Variants in RBAK observed in about 807,000 individuals in gnomAD.
RBAK encodes RB associated KRAB zinc finger, also known as RB-associated KRAB zinc finger protein.
RBAK carries 39 observed loss-of-function variants against 65.8 expected under a neutral mutation model. The observed-to-expected ratio is 0.59, with a 90% confidence interval of 0.46 to 0.77. The LOEUF is 0.77. Among genes scored for constraint, RBAK ranks in the 30% least tolerant of loss-of-function variants. The pLI, the probability that RBAK is intolerant of heterozygous loss-of-function variation, is 0.00. For missense variants in RBAK, 884 were observed against 855.1 expected (o/e 1.03, Z -0.42); for synonymous variants, 343 against 289.7 (o/e 1.18, Z -1.87).
chr7:5,064,724 A>G lies in RBAK; in HGVS notation c.1268A>G (p.His423Arg). 2.5e-6 allele frequency: 4 copies of G among 1,613,532 alleles called. No homozygotes were observed. Among genetic ancestry groups the G allele is most frequent in the East Asian group, 2.2e-5 (1 of 44,822 alleles). ...KSTLITHQRTHTGEKPYQCSE... is the reference protein window; with the variant it reads ...KSTLITHQRTRTGEKPYQCSE... Reference sequence around the variant, plus strand: ...ACTCTGATTACACATCAGAGAACACACACGGGAGAGAAGCCCTATCAGTGT... The same window carrying G: ...ACTCTGATTACACATCAGAGAACACGCACGGGAGAGAAGCCCTATCAGTGT... Residue 423 changes from histidine (H) to arginine (R), a missense_variant, in exon 5 of 5, where the codon CAC (histidine) becomes CGC (arginine). Physicochemically the swap from His to Arg is conservative, Grantham distance 29. Transcript: ENST00000396912. The surrounding 1 kb of genome is among the most constrained non-coding windows in gnomAD (Gnocchi z 6.3).
At chr7:5,055,082 A>G (rs1490367680) in intron 2 of RBAK, among the ~76,000 whole-genome samples, 1 of 152,054 alleles carries the variant, frequency 6.6e-6, no homozygotes. Context: ...GTGCCCGAGC[A>G]CTTTTACTTT....
intron 2 of RBAK, among the ~76,000 whole-genome samples, chr7:5,049,055 G>T (rs549379438): frequency 2.8e-4 from 42 of 152,310 alleles, no homozygotes; most frequent in African/African-American, 9.4e-4. Flanking sequence ...CACCATCCAT[G>T]ACATCATTTG....
chr7:5,059,852 A>C (rs1365897166), intron 4 of RBAK, among the ~76,000 whole-genome samples: 1 of 152,216 alleles, frequency 6.6e-6, no homozygotes, highest in Non-Finnish European at 1.5e-5. Flanking sequence ...CTCTGATAGG[A>C]TTATATATTC....
At chr7:5,052,460 A>G (rs1216454733) in intron 2 of RBAK, among the ~76,000 whole-genome samples, 5 of 151,920 alleles carry the variant, frequency 3.3e-5, no homozygotes, top group African/African-American at 1.2e-4. Flanking sequence ...CTTCCTCTTG[A>G]TTAATTGATA....
At position 5,057,383 on chromosome 7, in the gene RBAK, A is replaced by T; in HGVS notation, c.104A>T (p.Asp35Val). ...CCTGATGAGAAGATAACTTACAGGG[A>T]TGTGATGTTGGAGAACTATAGCCAT... ...LDPDEKITYRDVMLENYSHLV... is the reference protein window; with the variant it reads ...LDPDEKITYRVVMLENYSHLV... The change falls in exon 3 of 5, where the codon GAT becomes GTT. Residue 35 changes from aspartate to valine, a missense_variant. Asp to Val is a radical substitution (Grantham distance 152). Coordinates refer to ENST00000396912, the MANE Select transcript of RBAK (RefSeq NM_021163.4). 2 of 1,614,058 alleles carry T rather than the reference A, an allele frequency of 1.2e-6. No homozygotes were observed. The highest frequency in any genetic ancestry group is 1.7e-6 in the Non-Finnish European group (2 of 1,180,012).
chr7:5,056,194 A>C (rs1247266562), intron 2 of RBAK, among the ~76,000 whole-genome samples: 5 of 140,926 alleles, frequency 3.5e-5, no homozygotes, highest in Non-Finnish European at 7.5e-5. Context: ...TGCAGCCTTG[A>C]CCTCCCAGGC....
intron 1 of RBAK, among the ~76,000 whole-genome samples, chr7:5,047,363 C>T (rs186212745): frequency 2.0e-5 from 3 of 152,260 alleles, no homozygotes; most frequent in Admixed American, 6.5e-5. Context: ...TGCACCACTG[C>T]ACTCCAGCCT....
At position 5,063,767 on chromosome 7, in the gene RBAK, G is replaced by C; in HGVS notation, c.311G>C (p.Cys104Ser). The change falls in exon 5 of 5, where the codon TGT becomes TCT. Residue 104 changes from cysteine to serine, a missense_variant. By Grantham distance (112) the Cys-to-Ser change is moderately radical. Coordinates refer to ENST00000396912, the MANE Select transcript of RBAK (RefSeq NM_021163.4). ...NEDKHSRQAA[C>S]INSKTLTEEK... ...GACAAACATTCAAGGCAAGCTGCTT[G>C]TATCAATAGCAAAACCCTGACTGAA... 1.2e-6 allele frequency: 2 copies of C among 1,613,832 alleles called. No homozygotes were observed. The highest frequency in any genetic ancestry group is 1.7e-6 in the Non-Finnish European group (2 of 1,179,936).
At chr7:5,060,713 A>T (rs898591483) in intron 4 of RBAK, among the ~76,000 whole-genome samples, 13 of 152,252 alleles carry the variant, frequency 8.5e-5, no homozygotes, top group African/African-American at 3.1e-4. Context: ...CAGGAGCAGA[A>T]GATGTTGACA....
At chr7:5,051,356 T>G (rs552099954) in intron 2 of RBAK, among the ~76,000 whole-genome samples, 1 of 152,252 alleles carries the variant, frequency 6.6e-6, no homozygotes, top group South Asian at 2.1e-4. Context: ...TTTTATATAT[T>G]TTTTTTCTGA....
Position 5,064,823 on chromosome 7 carries a change from C to T in RBAK, c.1367C>T (p.Pro456Leu). 2 of 1,614,000 alleles carry T rather than the reference C, an allele frequency of 1.2e-6. No individual in the cohort carries two copies. Among genetic ancestry groups the T allele is most frequent in the Non-Finnish European group, 1.7e-6 (2 of 1,179,938 alleles). ...IHYRSHLEEKPYECNECGKTF... is the reference protein window; with the variant it reads ...IHYRSHLEEKLYECNECGKTF... The stretch of plus-strand genomic sequence containing the variant: ...TATAGAAGTCATTTAGAAGAGAAAC[C>T]CTATGAATGTAATGAATGTGGCAAA... Residue 456 changes from proline (P) to leucine (L), a missense_variant, in exon 5 of 5, where the codon CCC becomes CTC. Coordinates refer to ENST00000396912, the MANE Select transcript of RBAK (RefSeq NM_021163.4). This position sits in a 1 kb window ranked among gnomAD's most constrained non-coding sequence, Gnocchi z 6.3.
In RBAK at chr7:5,068,527, A is replaced by G. The variant is rs943565102; in HGVS notation, c.*2926A>G. ...CAAACTTAAAACATGTAGCACTGCT[A>G]CCCATCCATGGAAATGGTTAAAATG... On this transcript the variant is annotated 3_prime_UTR_variant, in exon 5 of 5. Coordinates refer to ENST00000396912, the MANE Select transcript of RBAK (RefSeq NM_021163.4). 4 of 152,208 alleles carry G rather than the reference A, an allele frequency of 2.6e-5. No homozygotes were observed. The East Asian group carries it at 5.8e-4, about 22-fold the overall frequency. The allele number at this position is 152,208 out of a possible 1,614,324, so 9.4% of individuals were successfully genotyped here. A position where few individuals can be genotyped will look rare whatever the true frequency, so the allele number is the denominator to read the frequency against.
rs776761866 is a variant in RBAK at position 5,063,704 on chromosome 7, G to A, written c.248G>A (p.Arg83Lys). ...TATTTTTCCTTTTTAGAAGCCTGGA[G>A]AGTTGATGACCTGATAGAGAGAATC... Reference protein sequence around the residue: ...FPCQHSPEAWRVDDLIERIQE... With the variant: ...FPCQHSPEAWKVDDLIERIQE... Residue 83 changes from arginine to lysine, a missense_variant, in exon 5 of 5, where the codon AGA becomes AAA. Arg to Lys is a conservative substitution (Grantham distance 26). Transcript: ENST00000396912. 1 of 1,599,322 alleles carries A rather than the reference G, an allele frequency of 6.3e-7. No homozygotes were observed. Among genetic ancestry groups the A allele is most frequent in the South Asian group, 1.1e-5 (1 of 88,648 alleles).
At chr7:5,063,172 T>C (rs1020997537) in intron 4 of RBAK, among the ~76,000 whole-genome samples, 151 of 152,348 alleles carry the variant, frequency 9.9e-4, no homozygotes, top group African/African-American at 3.5e-3. Flanking sequence ...TAAGAAATTA[T>C]GAAAGTATTA....
Position 5,065,106 on chromosome 7 carries a change from G to A in RBAK, c.1650G>A (p.Glu550=). 1 of 1,613,988 alleles carries A rather than the reference G, an allele frequency of 6.2e-7. No homozygotes were observed. Among genetic ancestry groups the A allele is most frequent in the Non-Finnish European group, 8.5e-7 (1 of 1,179,958 alleles). The change falls in exon 5 of 5, where the codon GAG becomes GAA. Residue 550 remains glutamate (E), a synonymous_variant. Transcript: ENST00000396912. This position sits in a 1 kb window ranked among gnomAD's most constrained non-coding sequence, Gnocchi z 5.3. ...ECNVCGKLFN[E]LSYYTEHYRS... is the part of the protein sequence containing the mutation. ...ATGTATGTGGAAAGTTATTCAATGAGTTGTCATACTATACTGAACATTATA... is the reference window on the plus strand; with the variant it reads ...ATGTATGTGGAAAGTTATTCAATGAATTGTCATACTATACTGAACATTATA...
At position 5,048,916 on chromosome 7, in the gene RBAK, T is replaced by G. The variant is rs1025933296; in HGVS notation, c.15+825T>G. 1.6e-4 allele frequency among the ~76,000 whole-genome samples: 24 copies of G among 152,216 alleles called. No individual in the cohort carries two copies. Among genetic ancestry groups the G allele is most frequent in the African/African-American group, 5.1e-4 (21 of 41,522 alleles). ...CCACGTCTTGTGATAAGTCACTGAG[T>G]GTCAGGAGAACAGCACCAAAAGGGA... On this transcript the variant is annotated intron_variant, in intron 2 of 4. Transcript: ENST00000396912. The surrounding 1 kb of genome is among the most constrained non-coding windows in gnomAD (Gnocchi z 4.4).
rs1056458656 is a variant in RBAK, at chr7:5,067,295, G to A, written c.*1694G>A. The A allele has an allele frequency of 1.3e-5, 2 of 152,146 alleles. No homozygotes were observed. Among genetic ancestry groups the A allele is most frequent in the Non-Finnish European group, 2.9e-5 (2 of 68,000 alleles). 9.4% of individuals were successfully genotyped at this position (152,146 alleles called of 1,614,324 possible). On this transcript the variant is annotated 3_prime_UTR_variant, in exon 5 of 5. Transcript: ENST00000396912. ...ATAAATCTCTATTTGCAGATGCCAT[G>A]AGTAAATTTGGTAAGTTCCCTGCAT...
At chr7:5,060,918 T>A (rs2115040553) in intron 4 of RBAK, among the ~76,000 whole-genome samples, 1 of 152,290 alleles carries the variant, frequency 6.6e-6, no homozygotes, top group Middle Eastern at 3.4e-3. Context: ...CATCCAAAAA[T>A]TTGTAAGATA....
Position 5,063,703 on chromosome 7 carries a change from A to G in RBAK, c.247A>G (p.Arg83Gly), listed in dbSNP as rs771017316. The G allele has an allele frequency of 2.5e-6, 4 of 1,598,366 alleles. No homozygotes were observed. The highest frequency in any genetic ancestry group is 3.4e-6 in the Non-Finnish European group (4 of 1,174,036). The change falls in exon 5 of 5, where the codon AGA (arginine) becomes GGA (glycine). Residue 83 changes from arginine (R) to glycine (G), a missense_variant. Arg to Gly is a moderately radical substitution (Grantham distance 125, BLOSUM62 -2). Transcript: ENST00000396912. ...CTATTTTTCCTTTTTAGAAGCCTGG[A>G]GAGTTGATGACCTGATAGAGAGAAT... ...FPCQHSPEAW[R>G]VDDLIERIQE... is the part of the protein sequence containing the mutation.
Sources: gnomAD v4.1 joint callset for allele counts (sites outside exome capture counted in the v4.1 genomes callset) on GRCh38, gnomAD v4.1.1 for gene constraint, Gnocchi (gnomAD v3.1) non-coding constraint, MANE v1.5 for transcripts, NCBI Gene and HGNC (gene_info 2026-07-23, HGNC 2026-07-21) for gene names.